Variants in SLC35F1 observed in about 807,000 individuals in gnomAD.
SLC35F1 encodes chromosome 6 open reading frame 169.
Under a neutral mutation model 48.7 loss-of-function variants are expected in SLC35F1, and 14 were observed. The ratio of observed to expected loss-of-function variants is 0.29; its 90% CI spans 0.19 to 0.45. The LOEUF is 0.45. Ranked by LOEUF, SLC35F1 falls within the 20% of genes least tolerant of loss-of-function variation. SLC35F1 has a pLI of 1.00. For synonymous variants in SLC35F1, 190 were observed against 202.2 expected (o/e 0.94, Z 0.51); for missense variants, 404 against 500.0 (o/e 0.81, Z 1.83).
intron 1 of SLC35F1, among the ~76,000 whole-genome samples, chr6:118,114,340 A>C (rs1773448305): frequency 6.6e-6 from 1 of 152,108 alleles, no homozygotes; most frequent in African/African-American, 2.4e-5. Flanking sequence ...TCCCAAGTGA[A>C]TTACTCCTTT....
intron 1 of SLC35F1, among the ~76,000 whole-genome samples, chr6:118,137,916 T>C (rs1451579402): frequency 6.6e-6 from 1 of 152,132 alleles, no homozygotes; most frequent in Non-Finnish European, 1.5e-5. Flanking sequence ...AATCCCTCCA[T>C]GGGATGCCAG....
chr6:118,016,808 TA>T (rs1777328650), intron 1 of SLC35F1, among the ~76,000 whole-genome samples: 3 of 152,222 alleles, frequency 2.0e-5, no homozygotes, highest in Admixed American at 2.0e-4. Flanking sequence ...CTTTTGAGGC[TA>T]AAAGGCATAG....
At chr6:117,954,799 GT>G (rs1267649001) in intron 1 of SLC35F1, among the ~76,000 whole-genome samples, 6 of 152,134 alleles carry the variant, frequency 3.9e-5, no homozygotes, top group South Asian at 2.1e-4. Context: ...CACAGGCTGT[GT>G]CCTTTGGTTC....
At chr6:117,960,830 A>G (rs1012344782) in intron 1 of SLC35F1, among the ~76,000 whole-genome samples, 2 of 152,150 alleles carry the variant, frequency 1.3e-5, no homozygotes, top group Admixed American at 6.5e-5. Flanking sequence ...TTATTTTAGG[A>G]AAGATTGTAC....
chr6:118,233,255 G>C (rs954037321), intron 2 of SLC35F1, among the ~76,000 whole-genome samples: 1 of 152,156 alleles, frequency 6.6e-6, no homozygotes, highest in Non-Finnish European at 1.5e-5. Context: ...GTGAGCCACC[G>C]CGCCCAGCCA....
chr6:118,242,377 G>GC (rs1232832148), intron 3 of SLC35F1, among the ~76,000 whole-genome samples: 1 of 19,568 alleles, frequency 5.1e-5, no homozygotes, highest in African/African-American at 7.9e-5. Flanking sequence ...ATAATCTGAA[G>GC]CTAAAAAAGT....
At chr6:118,195,133 A>T (rs534325902) in intron 2 of SLC35F1, among the ~76,000 whole-genome samples, 1 of 152,224 alleles carries the variant, frequency 6.6e-6, no homozygotes, top group African/African-American at 2.4e-5. Flanking sequence ...ACCAAGAAGG[A>T]CTTTACTGAG....
chr6:117,934,954 AAAATT>A (rs1484689969), intron 1 of SLC35F1, among the ~76,000 whole-genome samples: 4 of 152,162 alleles, frequency 2.6e-5, no homozygotes, highest in Non-Finnish European at 5.9e-5. Flanking sequence ...CTAAAAATAC[AAAATT>A]AGCTGGACAT....
At chr6:118,259,087 T>C (rs946149092) in intron 3 of SLC35F1, among the ~76,000 whole-genome samples, 11 of 151,624 alleles carry the variant, frequency 7.3e-5, no homozygotes, top group African/African-American at 2.7e-4. Context: ...GCCTTAATAA[T>C]ATATAAAGAT....
At chr6:118,263,321 G>A (rs940368187) in intron 3 of SLC35F1, among the ~76,000 whole-genome samples, 7 of 152,262 alleles carry the variant, frequency 4.6e-5, no homozygotes, top group African/African-American at 1.7e-4. Context: ...CTCCCAAAGT[G>A]CTGGGATTAC....
chr6:118,303,420 G>A (rs2114662739), intron 7 of SLC35F1, among the ~76,000 whole-genome samples: 1 of 152,322 alleles, frequency 6.6e-6, no homozygotes. Flanking sequence ...GTAATTAGGA[G>A]AGAGGGAAGA....
intron 1 of SLC35F1, among the ~76,000 whole-genome samples, chr6:118,011,004 T>G (rs542711343): frequency 2.0e-5 from 3 of 152,302 alleles, no homozygotes; most frequent in African/African-American, 7.2e-5. Context: ...CCTTGGCAGA[T>G]GGATTGATAT....
At chr6:118,273,397 C>T (rs1415606490) in intron 4 of SLC35F1, among the ~76,000 whole-genome samples, 1 of 151,894 alleles carries the variant, frequency 6.6e-6, no homozygotes, top group Non-Finnish European at 1.5e-5. Context: ...ATTTATTAAC[C>T]AAGAGTTATA....
intron 1 of SLC35F1, chr6:117,999,002 C>G (rs111683441): frequency 7.5e-7 from 1 of 1,325,218 alleles, no homozygotes; most frequent in African/African-American, 1.4e-5. Flanking sequence ...CCACACCACA[C>G]ACAACCAGTC....
At chr6:118,225,900 G>A (rs555733499) in intron 2 of SLC35F1, among the ~76,000 whole-genome samples, 36 of 149,344 alleles carry the variant, frequency 2.4e-4, no homozygotes, top group Non-Finnish European at 4.7e-4. Context: ...AATCTTCACA[G>A]CAAAGGAAAC....
chr6:118,022,252 C>T (rs971219143), intron 1 of SLC35F1, among the ~76,000 whole-genome samples: 1 of 152,136 alleles, frequency 6.6e-6, no homozygotes, highest in Non-Finnish European at 1.5e-5. Flanking sequence ...AGACTGGAAA[C>T]CTGAGGACTA....
intron 1 of SLC35F1, among the ~76,000 whole-genome samples, chr6:118,027,835 T>C (rs996654203): frequency 6.6e-6 from 1 of 152,178 alleles, no homozygotes; most frequent in Admixed American, 6.5e-5. Flanking sequence ...GTTTCTTTTA[T>C]GGTTCACACT....
chr6:118,088,233 G>C (rs1276532075), intron 1 of SLC35F1, among the ~76,000 whole-genome samples: 1 of 152,076 alleles, frequency 6.6e-6, no homozygotes, highest in Non-Finnish European at 1.5e-5. Flanking sequence ...ATTTATTTAT[G>C]GTGAAGTATC....
chr6:117,929,453 A>ATGTG (rs143634465), intron 1 of SLC35F1, among the ~76,000 whole-genome samples: 58,890 of 145,848 alleles, frequency 0.4, 13,115 homozygotes, highest in South Asian at 0.62. Context: ...GTATGTATTT[A>ATGTG]TGTGTGTGTG....
Sources: allele counts gnomAD v4.1 joint callset (sites outside exome capture counted in the v4.1 genomes callset), GRCh38; gene constraint gnomAD v4.1.1; transcripts MANE v1.5; gene names NCBI Gene and HGNC (gene_info 2026-07-23, HGNC 2026-07-21).